Variants in ADCY3 observed in about 807,000 individuals in gnomAD.
The protein encoded by ADCY3 is adenylate cyclase 3.
In ADCY3, 70 loss-of-function variants were observed where a neutral mutation model predicts 119.4. That is an observed-to-expected ratio of 0.59 (90% confidence interval 0.48 to 0.72). The LOEUF (loss-of-function observed/expected upper bound fraction) is 0.72. Among genes scored for constraint, ADCY3 ranks in the 30% least tolerant of loss-of-function variants. The pLI is 0.00. For missense variants in ADCY3, 1,238 were observed against 1,541.6 expected (o/e 0.80, Z 3.30); for synonymous variants, 672 against 621.4 (o/e 1.08, Z -1.21).
At chr2:24,868,094 C>T (rs114853683) in intron 3 of ADCY3, among the ~76,000 whole-genome samples, 3,891 of 152,148 alleles carry the variant, frequency 0.026, 171 homozygotes, top group African/African-American at 0.087. Flanking sequence ...AAATCAAGTT[C>T]CAAGAAATTT....
intron 2 of ADCY3, among the ~76,000 whole-genome samples, chr2:24,893,222 G>C (rs1036747846): frequency 1.3e-4 from 19 of 151,976 alleles, no homozygotes; most frequent in Admixed American, 3.3e-4. Context: ...ATTTTTTGTA[G>C]AGGACAGATG....
intron 3 of ADCY3, among the ~76,000 whole-genome samples, chr2:24,860,620 C>T (rs1291627036): frequency 2.8e-4 from 43 of 152,238 alleles, no homozygotes; most frequent in Admixed American, 2.7e-3. Flanking sequence ...GCTCTGTTGC[C>T]TCAATGCACC....
intron 19 of ADCY3, chr2:24,822,286 T>G: frequency 1.9e-6 from 1 of 530,830 alleles, no homozygotes; most frequent in Non-Finnish European, 3.2e-6. Context: ...ACAACCATCT[T>G]AGGCCTGAGC....
At position 24,899,236 on chromosome 2, in the gene ADCY3, G is replaced by A. The variant is rs574506928; in HGVS notation, c.675+19077C>T. Among the ~76,000 whole-genome samples the A allele has an allele frequency of 1.8e-4, 27 of 152,292 alleles. No homozygotes were observed. Among genetic ancestry groups the A allele is most frequent in the East Asian group, 3.9e-4 (2 of 5,178 alleles). ...CCCCAGGCATCCAACTCTGGGCCAC[G>A]CTTCCCTCCTCCTGGCACACCGCCT... On this transcript the variant is annotated intron_variant, in intron 2 of 21. Coordinates refer to ENST00000679454, the MANE Select transcript of ADCY3 (RefSeq NM_004036.5). This position sits in a 1 kb window ranked among gnomAD's most constrained non-coding sequence, Gnocchi z 4.5.
In ADCY3 at chr2:24,836,780, C is replaced by T. The variant is rs958738602; in HGVS notation, c.1662+137G>A. 22 of 1,303,066 alleles carry T rather than the reference C, an allele frequency of 1.7e-5. No homozygotes were observed. The African/African-American group carries it at 1.9e-4, about 11-fold the overall frequency. 80.7% of individuals were successfully genotyped at this position (1,303,066 alleles called of 1,614,324 possible). ...TGGAGGGGTGACCTGTCCATGGTTA[C>T]AGTGCTAAGCAGGAGCAGGTCCTGG... On this transcript the variant is annotated intron_variant, in intron 9 of 21. Coordinates refer to ENST00000679454, the MANE Select transcript of ADCY3 (RefSeq NM_004036.5).
chr2:24,910,336 T>A (rs541179207), intron 2 of ADCY3, among the ~76,000 whole-genome samples: 8 of 152,166 alleles, frequency 5.3e-5, no homozygotes, highest in African/African-American at 1.9e-4. Flanking sequence ...CTGGGACTAC[T>A]GGCACATGCT....
At chr2:24,838,696 C>A (rs1670617313) in intron 7 of ADCY3, 74 bp from the exon 8 acceptor site, 1 of 1,598,450 alleles carries the variant, frequency 6.3e-7, no homozygotes, top group Non-Finnish European at 8.5e-7. Context: ...AGTCCACGGA[C>A]CACGGCTGCA....
chr2:24,821,227 C>G (rs987353903), intron 20 of ADCY3: 6 of 456,196 alleles, frequency 1.3e-5, no homozygotes, highest in Non-Finnish European at 2.3e-5. Context: ...GCAGGCACAG[C>G]AACCCCTCTG....
At chr2:24,846,124 G>A (rs1671624184) in intron 3 of ADCY3, among the ~76,000 whole-genome samples, 1 of 152,254 alleles carries the variant, frequency 6.6e-6, no homozygotes, top group Non-Finnish European at 1.5e-5. Context: ...CTAGGGCAGT[G>A]TGGAAGGGAA....
At chr2:24,835,218 C>A (rs962809359) in intron 9 of ADCY3, among the ~76,000 whole-genome samples, 3 of 152,172 alleles carry the variant, frequency 2.0e-5, no homozygotes, top group African/African-American at 4.8e-5. Flanking sequence ...TAGGGAGCAG[C>A]CCCTGGCTCC....
intron 8 of ADCY3, among the ~76,000 whole-genome samples, chr2:24,838,063 C>G (rs991521367): frequency 6.8e-6 from 1 of 146,710 alleles, no homozygotes. Context: ...TCACCCCACC[C>G]CCACCCTCCT....
rs945013674 is a variant in ADCY3 at position 24,899,231 on chromosome 2, G to A, written c.675+19082C>T. Among the ~76,000 whole-genome samples the A allele has an allele frequency of 6.6e-6, 1 of 152,170 alleles. No individual in the cohort carries two copies. The highest frequency in any genetic ancestry group is 6.5e-5 in the Admixed American group (1 of 15,274). ...CAGGGCCCCAGGCATCCAACTCTGG[G>A]CCACGCTTCCCTCCTCCTGGCACAC... is the stretch of plus-strand genomic sequence containing the variant. On this transcript the variant is annotated intron_variant, in intron 2 of 21. Coordinates refer to ENST00000679454, the MANE Select transcript of ADCY3 (RefSeq NM_004036.5). The surrounding 1 kb of genome is among the most constrained non-coding windows in gnomAD (Gnocchi z 4.5).
chr2:24,879,796 T>C (rs1676171832), intron 2 of ADCY3, among the ~76,000 whole-genome samples: 1 of 151,910 alleles, frequency 6.6e-6, no homozygotes, highest in Non-Finnish European at 1.5e-5. Flanking sequence ...ACGATCACCT[T>C]AGCTGAACTG....
chr2:24,909,081 C>T (rs1663262437), intron 2 of ADCY3, among the ~76,000 whole-genome samples: 1 of 152,198 alleles, frequency 6.6e-6, no homozygotes, highest in African/African-American at 2.4e-5. Context: ...GTCTGGTATA[C>T]AGAAGGTGTT....
chr2:24,846,103 G>C (rs1671621629), intron 3 of ADCY3, among the ~76,000 whole-genome samples: 1 of 152,250 alleles, frequency 6.6e-6, no homozygotes, highest in Non-Finnish European at 1.5e-5. Context: ...GGCCCTCATG[G>C]AGAACCCCTG....
chr2:24,914,447 C>T (rs985304951), intron 2 of ADCY3, among the ~76,000 whole-genome samples: 3 of 152,038 alleles, frequency 2.0e-5, no homozygotes, highest in African/African-American at 4.8e-5. Context: ...CTAAGGCAGG[C>T]GGATTATCTG....
intron 15 of ADCY3, among the ~76,000 whole-genome samples, chr2:24,827,159 A>G (rs1322229940): frequency 1.3e-5 from 2 of 152,226 alleles, no homozygotes; most frequent in Admixed American, 1.3e-4. Context: ...CAGGGACCTT[A>G]GAGAACTTCT....
rs1573063961 is a variant in ADCY3 at position 24,912,093 on chromosome 2, C to T, written c.675+6220G>A. 3.9e-5 allele frequency among the ~76,000 whole-genome samples: 6 copies of T among 152,152 alleles called. No individual in the cohort carries two copies. The East Asian group carries it at 1.2e-3, about 29-fold the overall frequency. Reference sequence around the variant, plus strand: ...CCTCACTGTCCCTGCTCATGGGCCTCGACCTACGCACAATGTGTCTCTGAG... The same window carrying T: ...CCTCACTGTCCCTGCTCATGGGCCTTGACCTACGCACAATGTGTCTCTGAG... On this transcript the variant is annotated intron_variant, in intron 2 of 21. Coordinates refer to ENST00000679454, the MANE Select transcript of ADCY3 (RefSeq NM_004036.5).
chr2:24,873,953 A>C (rs1675339209), intron 2 of ADCY3, among the ~76,000 whole-genome samples: 1 of 152,254 alleles, frequency 6.6e-6, no homozygotes, highest in Non-Finnish European at 1.5e-5. Flanking sequence ...GCCTCAGAGT[A>C]GACTGTATTC....
Sources: gnomAD v4.1 joint callset for allele counts (sites outside exome capture counted in the v4.1 genomes callset) on GRCh38, gnomAD v4.1.1 for gene constraint, Gnocchi (gnomAD v3.1) non-coding constraint, MANE v1.5 for transcripts, NCBI Gene and HGNC (gene_info 2026-07-23, HGNC 2026-07-21) for gene names.